Variants in ATP11A observed in about 807,000 individuals in gnomAD.
ATP11A encodes phospholipid-transporting ATPase IH.
Under a neutral mutation model 154.4 loss-of-function variants are expected in ATP11A, and 81 were observed. The ratio of observed to expected loss-of-function variants is 0.52; its 90% CI spans 0.44 to 0.63. The LOEUF (loss-of-function observed/expected upper bound fraction) is 0.63, where lower values mean the gene tolerates loss of function less well. ATP11A is among the 30% of genes least tolerant of loss of function. The probability of loss-of-function intolerance (pLI) is 0.00; values close to 1 mark genes in which losing one functional copy is unlikely to be tolerated. For missense variants in ATP11A, 1,316 were observed against 1,474.3 expected (o/e 0.89, Z 1.76); for synonymous variants, 623 against 585.9 (o/e 1.06, Z -0.91).
chr13:112,768,706 A>C (rs972180144), intron 1 of ATP11A, among the ~76,000 whole-genome samples: 2 of 152,148 alleles, frequency 1.3e-5, no homozygotes, highest in Non-Finnish European at 2.9e-5. Context: ...TGGCTAATTC[A>C]TCTTTAGAAG....
In ATP11A at chr13:112,883,026, CCCTCATCCCGTCA is replaced by C; in HGVS notation, c.*1165_*1177del. 2.5e-6 allele frequency: 1 copy of C among 398,130 alleles called. No homozygotes were observed. 24.7% of individuals were successfully genotyped at this position (398,130 alleles called of 1,614,324 possible). On this transcript the variant is annotated 3_prime_UTR_variant, in exon 30 of 30. Transcript: ENST00000375645. ...CGTCCCCTCGTCCCATCCCCACGTC[CCCTCATCCCGTCA>C]CCTCGTCCCCACATCCCCTTGCCCC...
intron 2 of ATP11A, among the ~76,000 whole-genome samples, chr13:112,802,155 C>A (rs543940868): frequency 6.6e-6 from 1 of 152,142 alleles, no homozygotes; most frequent in South Asian, 2.1e-4. Flanking sequence ...CCAACCTGGC[C>A]AACACGATGA....
intron 22 of ATP11A, 76 bp downstream of exon 22, chr13:112,858,366 A>G (rs2079996899): frequency 6.9e-7 from 1 of 1,454,280 alleles, no homozygotes; most frequent in Non-Finnish European, 9.3e-7. Context: ...TGTCTGAGCC[A>G]CTTGATGCCA....
rs1340111323 is a variant in ATP11A, at chr13:112,884,326, C to T, written c.*2460C>T. On this transcript the variant is annotated 3_prime_UTR_variant, in exon 30 of 30. Transcript: ENST00000375645. The stretch of plus-strand genomic sequence containing the variant: ...CAGCCTTAAAAATAGAAGATTCTCA[C>T]GTGAAGGTTTAGTAAGTTGGGTCCC... 3 of 152,588 alleles carry T rather than the reference C, an allele frequency of 2.0e-5. No individual in the cohort carries two copies. The highest frequency in any genetic ancestry group is 4.4e-5 in the Non-Finnish European group (3 of 68,042). 9.5% of individuals were successfully genotyped at this position (152,588 alleles called of 1,614,324 possible). A position where few individuals can be genotyped will look rare whatever the true frequency, so the allele number is the denominator to read the frequency against.
At chr13:112,732,852 A>T (rs1159304384) in intron 1 of ATP11A, among the ~76,000 whole-genome samples, 3 of 152,164 alleles carry the variant, frequency 2.0e-5, no homozygotes. Flanking sequence ...ACCTCAGGTG[A>T]TTCACCTGCC....
intron 2 of ATP11A, among the ~76,000 whole-genome samples, chr13:112,795,066 A>C (rs1300591826): frequency 2.0e-5 from 3 of 151,848 alleles, no homozygotes; most frequent in Non-Finnish European, 4.4e-5. Context: ...CAACATGGTG[A>C]AATCCCGTCT....
At chr13:112,796,189 A>G (rs754247514) in intron 2 of ATP11A, among the ~76,000 whole-genome samples, 1 of 152,208 alleles carries the variant, frequency 6.6e-6, no homozygotes, top group Non-Finnish European at 1.5e-5. Context: ...TTGTATGGCT[A>G]CTTTTCCATC....
At chr13:112,737,506 C>T (rs183114683) in intron 1 of ATP11A, among the ~76,000 whole-genome samples, 38 of 152,276 alleles carry the variant, frequency 2.5e-4, no homozygotes, top group African/African-American at 8.9e-4. Flanking sequence ...GCTGAGCTGC[C>T]GTGGTCATAA....
chr13:112,707,357 G>GCCCCGACC lies in ATP11A; in HGVS notation c.39+16902_39+16903insCCCCGACC, dbSNP rs1298646045. Among the ~76,000 whole-genome samples the GCCCCGACC allele has an allele frequency of 1.1e-4, 16 of 150,546 alleles. No individual in the cohort carries two copies. The South Asian group carries it at 1.9e-3, about 18-fold the overall frequency. On this transcript the variant is annotated intron_variant, in intron 1 of 29. Coordinates refer to ENST00000375645, the MANE Select transcript of ATP11A (RefSeq NM_015205.3). ...TTGAACCCAGGAGACAGAGGTTGCAGTGAGCTAAGATCACACCATTGCACT... is the reference window on the plus strand; with the variant it reads ...TTGAACCCAGGAGACAGAGGTTGCAGCCCCGACCTGAGCTAAGATCACACCATTGCACT...
In ATP11A at chr13:112,696,817, C is replaced by T. The variant is rs1885877707; in HGVS notation, c.39+6362C>T. 1 of 152,264 alleles carries T rather than the reference C, an allele frequency of 6.6e-6. No individual in the cohort carries two copies. The highest frequency in any genetic ancestry group is 2.4e-5 in the African/African-American group (1 of 41,436). 9.4% of individuals were successfully genotyped at this position (152,264 alleles called of 1,614,324 possible). On this transcript the variant is annotated intron_variant, in intron 1 of 29. Coordinates refer to ENST00000375645, the MANE Select transcript of ATP11A (RefSeq NM_015205.3). The surrounding 1 kb of genome is among the most constrained non-coding windows in gnomAD (Gnocchi z 6.2). ...CAGTTAGCGAGCGCCCCTGTGTGCT[C>T]AGAGACACGCCAGTGAGCCGGGAAG...
chr13:112,720,477 C>T (rs886325691), intron 1 of ATP11A, among the ~76,000 whole-genome samples: 14 of 152,260 alleles, frequency 9.2e-5, no homozygotes, highest in East Asian at 3.9e-4. Context: ...CCGCGGGTCC[C>T]GTGAGCCTGG....
intron 1 of ATP11A, among the ~76,000 whole-genome samples, chr13:112,707,378 G>A (rs1887257581): frequency 6.8e-6 from 1 of 147,988 alleles, no homozygotes. Flanking sequence ...TCACACCATT[G>A]CACTCCAGCC....
At chr13:112,847,915 G>A (rs940026112) in intron 17 of ATP11A, among the ~76,000 whole-genome samples, 1 of 152,200 alleles carries the variant, frequency 6.6e-6, no homozygotes, top group African/African-American at 2.4e-5. Context: ...GCAAGACCCT[G>A]CCTCTACAAA....
chr13:112,714,427 G>T (rs373519329), intron 1 of ATP11A, among the ~76,000 whole-genome samples: 4 of 152,110 alleles, frequency 2.6e-5, no homozygotes, highest in Non-Finnish European at 2.9e-5. Flanking sequence ...TCAGGGAGCG[G>T]TGTGGAGGAG....
chr13:112,735,275 GTTT>G (rs896799755), intron 1 of ATP11A, among the ~76,000 whole-genome samples: 2 of 152,172 alleles, frequency 1.3e-5, no homozygotes, highest in Non-Finnish European at 2.9e-5. Flanking sequence ...TTGAGATTGA[GTTT>G]TTTTCCGTTA....
chr13:112,695,952 C>G (rs892484846), intron 1 of ATP11A, among the ~76,000 whole-genome samples: 2 of 152,234 alleles, frequency 1.3e-5, no homozygotes, highest in Non-Finnish European at 1.5e-5. Context: ...GGATGATTTT[C>G]TCTTTCACTT....
intron 2 of ATP11A, 66 bp from the exon 3 acceptor site, chr13:112,804,891 C>G: frequency 2.1e-6 from 2 of 959,262 alleles, no homozygotes; most frequent in Non-Finnish European, 3.2e-6. Flanking sequence ...CTTACTATGC[C>G]CTAGAGTAAC....
Position 112,697,437 on chromosome 13 carries a change from G to A in ATP11A, c.39+6982G>A, listed in dbSNP as rs1886000639. Among the ~76,000 whole-genome samples the A allele has an allele frequency of 6.6e-6, 1 of 152,158 alleles. No homozygotes were observed. Among genetic ancestry groups the A allele is most frequent in the Non-Finnish European group, 1.5e-5 (1 of 68,036 alleles). On this transcript the variant is annotated intron_variant, in intron 1 of 29. Transcript: ENST00000375645. This position sits in a 1 kb window ranked among gnomAD's most constrained non-coding sequence, Gnocchi z 4.0. ...CCAGGTCATTAGTGTTAATCAGAGT[G>A]ATGAAGAGGTTGCCATTGGCAATTC...
At chr13:112,752,104 G>A (rs1859379166) in intron 1 of ATP11A, among the ~76,000 whole-genome samples, 1 of 152,304 alleles carries the variant, frequency 6.6e-6, no homozygotes, top group East Asian at 1.9e-4. Flanking sequence ...TCATTTGTTA[G>A]GAAATTAGGA....
Sources: allele counts gnomAD v4.1 joint callset (sites outside exome capture counted in the v4.1 genomes callset), GRCh38; gene constraint gnomAD v4.1.1; non-coding constraint Gnocchi (gnomAD v3.1); transcripts MANE v1.5; gene names NCBI Gene and HGNC (gene_info 2026-07-23, HGNC 2026-07-21).